The following RGS6 variants were observed in gnomAD, a reference collection of about 807,000 sequenced individuals.
RGS6 encodes the protein regulator of G protein signaling 6.
RGS6 carries 30 observed loss-of-function variants against 78.5 expected under a neutral mutation model. The observed-to-expected ratio is 0.38, with a 90% confidence interval of 0.29 to 0.52. RGS6 has a LOEUF of 0.52. RGS6 is among the 20% of genes least tolerant of loss of function. The pLI, the probability that RGS6 is intolerant of heterozygous loss-of-function variation, is 0.85. For missense variants in RGS6, 495 were observed against 609.7 expected (o/e 0.81, Z 1.98); for synonymous variants, 206 against 206.0 (o/e 1.00, Z 0.00).
chr14:72,063,993 A>C (rs2094013804), intron 2 of RGS6, among the ~76,000 whole-genome samples: 1 of 152,074 alleles, frequency 6.6e-6, no homozygotes, highest in Admixed American at 6.6e-5. Flanking sequence ...CAGCCAGTGT[A>C]GTTCTTTGTT....
the RGS6 span, among the ~76,000 whole-genome samples, chr14:72,588,810 C>T: frequency 2.6e-5 from 4 of 152,206 alleles, no homozygotes; most frequent in African/African-American, 9.7e-5. Flanking sequence ...GAAATGGGAA[C>T]TTCCACAAAC....
chr14:72,573,989 C>T, the RGS6 span, among the ~76,000 whole-genome samples: 1 of 152,184 alleles, frequency 6.6e-6, no homozygotes, highest in Non-Finnish European at 1.5e-5. Flanking sequence ...TGGGAGCAAA[C>T]CAAAAGATAA....
chr14:72,244,916 C>T (rs2053839406), intron 2 of RGS6, among the ~76,000 whole-genome samples: 1 of 151,986 alleles, frequency 6.6e-6, no homozygotes, highest in Non-Finnish European at 1.5e-5. Context: ...CCTGCACCTC[C>T]TGGGTTCGAG....
chr14:72,120,695 A>G (rs1314137209), intron 2 of RGS6, among the ~76,000 whole-genome samples: 1 of 152,230 alleles, frequency 6.6e-6, no homozygotes, highest in African/African-American at 2.4e-5. Flanking sequence ...ATATTAAGTA[A>G]AAGAAGCATG....
At chr14:72,281,061 A>G (rs1166855077) in intron 2 of RGS6, among the ~76,000 whole-genome samples, 2 of 152,110 alleles carry the variant, frequency 1.3e-5, no homozygotes, top group East Asian at 1.9e-4. Flanking sequence ...ATTGGTTGCT[A>G]TTAATACAGA....
intron 1 of RGS6, among the ~76,000 whole-genome samples, chr14:71,949,854 T>C (rs2152990403): frequency 6.6e-6 from 1 of 152,056 alleles, no homozygotes; most frequent in Admixed American, 6.6e-5. Flanking sequence ...TTGTTGTTTG[T>C]GGTGTGATAA....
intron 1 of RGS6, among the ~76,000 whole-genome samples, chr14:71,960,041 T>G (rs2093076734): frequency 6.6e-6 from 1 of 152,188 alleles, no homozygotes; most frequent in Non-Finnish European, 1.5e-5. Context: ...CTCAACATTG[T>G]TAGCTGCCGA....
At chr14:72,336,512 TGAGAGAGA>T (rs35115421) in intron 2 of RGS6, among the ~76,000 whole-genome samples, 6,712 of 149,722 alleles carry the variant, frequency 0.045, 162 homozygotes, top group Middle Eastern at 0.14. Context: ...TGTCATCTCC[TGAGAGAGA>T]GAGAGAGAGA....
At chr14:72,203,135 A>G (rs2041952572) in intron 2 of RGS6, among the ~76,000 whole-genome samples, 1 of 152,106 alleles carries the variant, frequency 6.6e-6, no homozygotes, top group Admixed American at 6.5e-5. Context: ...TCGGCCTCCC[A>G]AAGTGCTGGG....
intron 1 of RGS6, 72 bp from the exon 2 acceptor site, chr14:71,964,700 A>G: frequency 9.6e-7 from 1 of 1,039,546 alleles, no homozygotes; most frequent in South Asian, 1.7e-5. Context: ...AAGTTACTTA[A>G]TTCTTTGCAT....
At chr14:72,572,695 G>A in the RGS6 span, among the ~76,000 whole-genome samples, 1 of 152,190 alleles carries the variant, frequency 6.6e-6, no homozygotes, top group East Asian at 1.9e-4. Flanking sequence ...GTTTCTTTGA[G>A]GAGTGATGAA....
intron 2 of RGS6, among the ~76,000 whole-genome samples, chr14:72,047,471 A>T (rs1194092777): frequency 2.6e-5 from 4 of 152,214 alleles, no homozygotes; most frequent in African/African-American, 9.6e-5. Flanking sequence ...TTTAGCTACT[A>T]ACATTTATCA....
At chr14:72,534,918 T>C (rs1287157644) in intron 15 of RGS6, among the ~76,000 whole-genome samples, 1 of 152,136 alleles carries the variant, frequency 6.6e-6, no homozygotes, top group African/African-American at 2.4e-5. Flanking sequence ...ACAATGAGCA[T>C]ACATGGGGGA....
chr14:72,002,531 G>C (rs142741548), intron 2 of RGS6, among the ~76,000 whole-genome samples: 94 of 152,128 alleles, frequency 6.2e-4, no homozygotes, highest in African/African-American at 2.0e-3. Context: ...TCTTATCTGA[G>C]GTTTGGCCTT....
At chr14:72,283,790 CAG>C (rs750760557) in intron 2 of RGS6, among the ~76,000 whole-genome samples, 8 of 152,114 alleles carry the variant, frequency 5.3e-5, no homozygotes, top group Non-Finnish European at 1.2e-4. Flanking sequence ...AACCAAGTAA[CAG>C]GGAGAGGCTG....
At chr14:72,219,760 T>C (rs2046422616) in intron 2 of RGS6, among the ~76,000 whole-genome samples, 1 of 152,208 alleles carries the variant, frequency 6.6e-6, no homozygotes, top group Admixed American at 6.5e-5. Flanking sequence ...TTATTGTATC[T>C]CCAAGACTAC....
intron 2 of RGS6, among the ~76,000 whole-genome samples, chr14:72,178,996 T>A (rs531750345): frequency 5.9e-5 from 9 of 152,346 alleles, no homozygotes; most frequent in African/African-American, 2.2e-4. Flanking sequence ...TTTTGTCATG[T>A]GGGATCCAGC....
At chr14:72,143,852 G>A (rs934792178) in intron 2 of RGS6, among the ~76,000 whole-genome samples, 2 of 152,108 alleles carry the variant, frequency 1.3e-5, no homozygotes, top group African/African-American at 4.8e-5. Context: ...AGGAAAGATA[G>A]CATTTAATAA....
At chr14:72,100,739 A>G (rs2095511875) in intron 2 of RGS6, among the ~76,000 whole-genome samples, 1 of 152,236 alleles carries the variant, frequency 6.6e-6, no homozygotes, top group Non-Finnish European at 1.5e-5. Context: ...TTTGTTTTCT[A>G]AATGAATCTA....
Sources: allele counts gnomAD v4.1 joint callset (sites outside exome capture counted in the v4.1 genomes callset), GRCh38; gene constraint gnomAD v4.1.1; transcripts MANE v1.5; gene names NCBI Gene and HGNC (gene_info 2026-07-23, HGNC 2026-07-21).